ADAMTS2: variants seen among roughly 807,000 people sequenced by gnomAD.
The protein encoded by ADAMTS2 is ADAM metallopeptidase with thrombospondin type 1 motif 2.
ADAMTS2 carries 50 observed loss-of-function variants against 123.0 expected under a neutral mutation model. That is an observed-to-expected ratio of 0.41 (90% CI 0.32 to 0.51). The LOEUF (loss-of-function observed/expected upper bound fraction) is 0.51. ADAMTS2 is among the 20% of genes least tolerant of loss of function. The pLI, the probability that ADAMTS2 is intolerant of heterozygous loss-of-function variation, is 0.35. For synonymous variants in ADAMTS2, 678 were observed against 695.4 expected (o/e 0.98, Z 0.39); for missense variants, 1,494 against 1,705.2 (o/e 0.88, Z 2.18).
At chr5:179,220,287 G>T (rs968891197) in intron 3 of ADAMTS2, among the ~76,000 whole-genome samples, 1 of 152,200 alleles carries the variant, frequency 6.6e-6, no homozygotes, top group Admixed American at 6.5e-5. Flanking sequence ...GGTGGGGGCC[G>T]GCAAGTGGGG....
intron 13 of ADAMTS2, among the ~76,000 whole-genome samples, chr5:179,135,093 CA>C (rs1763041529): frequency 7.1e-6 from 1 of 141,486 alleles, no homozygotes; most frequent in African/African-American, 2.6e-5. Flanking sequence ...CTCCAGCCCC[CA>C]GCTCCCGGCT....
At chr5:179,324,350 A>C (rs1243191690) in intron 2 of ADAMTS2, among the ~76,000 whole-genome samples, 2 of 152,210 alleles carry the variant, frequency 1.3e-5, no homozygotes, top group African/African-American at 4.8e-5. Flanking sequence ...AATAATGATT[A>C]AAAATTTTAA....
At chr5:179,207,784 G>A in intron 3 of ADAMTS2, 69 bp from the exon 4 acceptor site, 2 of 1,424,810 alleles carry the variant, frequency 1.4e-6, no homozygotes, top group Non-Finnish European at 2.0e-6. Context: ...CCAGGCGCCA[G>A]CTTGGCCATC....
intron 3 of ADAMTS2, among the ~76,000 whole-genome samples, chr5:179,263,017 TC>T (rs879589126): frequency 6.6e-6 from 1 of 151,230 alleles, no homozygotes; most frequent in East Asian, 1.9e-4. Flanking sequence ...GCAGTATTAT[TC>T]CCCCATGATT....
chr5:179,155,249 C>T lies in ADAMTS2; in HGVS notation c.1133-330G>A, dbSNP rs1763445905. The stretch of plus-strand genomic sequence containing the variant: ...ACCTGACTTTCCTGCCTGCCGTTCT[C>T]TTTCACGCCACCTGCCTCTGCCCCC... On this transcript the variant is annotated intron_variant, in intron 6 of 21. Transcript: ENST00000251582. The surrounding 1 kb of genome is among the most constrained non-coding windows in gnomAD (Gnocchi z 5.1). Among the ~76,000 whole-genome samples, 1 of 152,226 alleles carries T rather than the reference C, an allele frequency of 6.6e-6. No homozygotes were observed. The highest frequency in any genetic ancestry group is 2.4e-5 in the African/African-American group (1 of 41,460).
At chr5:179,321,505 T>C (rs1405978793) in intron 2 of ADAMTS2, among the ~76,000 whole-genome samples, 1 of 148,268 alleles carries the variant, frequency 6.7e-6, no homozygotes, top group East Asian at 1.9e-4. Context: ...CTCTTGAACC[T>C]CTCTCATCCT....
At chr5:179,141,737 C>A (rs1649570952) in intron 10 of ADAMTS2, among the ~76,000 whole-genome samples, 1 of 152,162 alleles carries the variant, frequency 6.6e-6, no homozygotes, top group Admixed American at 6.5e-5. Flanking sequence ...CAGTTTCATA[C>A]TGAGAAACCC....
intron 2 of ADAMTS2, among the ~76,000 whole-genome samples, chr5:179,294,315 G>A (rs1756272563): frequency 1.3e-5 from 2 of 152,258 alleles, no homozygotes; most frequent in Non-Finnish European, 2.9e-5. Flanking sequence ...GCAGCCTACA[G>A]TCAGAGCTGA....
intron 3 of ADAMTS2, among the ~76,000 whole-genome samples, chr5:179,263,018 C>A: frequency 6.7e-6 from 1 of 149,478 alleles, no homozygotes; most frequent in Non-Finnish European, 1.5e-5. Flanking sequence ...CAGTATTATT[C>A]CCCCATGATT....
At position 179,334,553 on chromosome 5, in the gene ADAMTS2, T is replaced by C. The variant is rs538143819; in HGVS notation, c.534+9214A>G. On this transcript the variant is annotated intron_variant, in intron 2 of 21. Transcript: ENST00000251582. ...ATTAAGCAGAGAAATACCGGGGGCG[T>C]TGCCGTTAAAGCCAGGCACAGATGA... Among the ~76,000 whole-genome samples, 34 of 152,356 alleles carry C rather than the reference T, an allele frequency of 2.2e-4. No individual in the cohort carries two copies. The East Asian group carries it at 6.4e-3, about 28-fold the overall frequency.
At chr5:179,276,503 C>A (rs1007282611) in intron 2 of ADAMTS2, among the ~76,000 whole-genome samples, 7 of 152,154 alleles carry the variant, frequency 4.6e-5, no homozygotes, top group Admixed American at 4.6e-4. Context: ...TCCAGTGACT[C>A]GTCTGTACAT....
chr5:179,245,765 C>CAAAAAAAAAAAAAAAAAAAA (rs1171837041), intron 3 of ADAMTS2, among the ~76,000 whole-genome samples: 1 of 17,200 alleles, frequency 5.8e-5, no homozygotes, highest in Non-Finnish European at 1.1e-4. Flanking sequence ...GACTCCGTCT[C>CAAAAAAAAAAAAAAAAAAAA]AAAAAAAAAA....
Position 179,345,446 on chromosome 5 carries a change from G to T in ADAMTS2, c.-118C>A. ...GCCCGCAGCTGCAGCACCGCAGGGC[G>T]CGGGGCGGAGGAGGCGAGGCGCGGA... On this transcript the variant is annotated 5_prime_UTR_variant, in exon 1 of 22. Transcript: ENST00000251582. The surrounding 1 kb of genome is among the most constrained non-coding windows in gnomAD (Gnocchi z 7.5). 1 of 952,914 alleles carries T rather than the reference G, an allele frequency of 1.0e-6. No individual in the cohort carries two copies. Among genetic ancestry groups the T allele is most frequent in the Non-Finnish European group, 1.3e-6 (1 of 783,682 alleles). 59.0% of individuals were successfully genotyped at this position (952,914 alleles called of 1,614,324 possible). A position where few individuals can be genotyped will look rare whatever the true frequency, so the allele number is the denominator to read the frequency against.
Position 179,157,726 on chromosome 5 carries a change from T to C in ADAMTS2, c.1132+997A>G, listed in dbSNP as rs1242861344. The stretch of plus-strand genomic sequence containing the variant: ...TAGTGAGGTTGAGTGCCTTTTCATA[T>C]GTTTATTGCTCATTCATATTTTGTC... On this transcript the variant is annotated intron_variant, in intron 6 of 21. Coordinates refer to ENST00000251582, the MANE Select transcript of ADAMTS2 (RefSeq NM_014244.5). Among the ~76,000 whole-genome samples, 4 of 152,210 alleles carry C rather than the reference T, an allele frequency of 2.6e-5. No homozygotes were observed. The East Asian group carries it at 7.8e-4, about 29-fold the overall frequency.
At chr5:179,122,935 G>A (rs1762790597) in intron 19 of ADAMTS2, 162 bp from the exon 20 acceptor site, 2 of 1,032,864 alleles carry the variant, frequency 1.9e-6, no homozygotes, top group Non-Finnish European at 2.9e-6. Flanking sequence ...CCCACCCTCG[G>A]GGGCAGCCCC....
At chr5:179,198,017 G>C (rs767094432) in intron 4 of ADAMTS2, among the ~76,000 whole-genome samples, 1 of 152,236 alleles carries the variant, frequency 6.6e-6, no homozygotes, top group African/African-American at 2.4e-5. Context: ...CAAAGCCCCA[G>C]GGTCAGTATC....
chr5:179,207,486 C>A (rs1378342943), intron 4 of ADAMTS2, 27 bp downstream of exon 4: 2 of 1,188,816 alleles, frequency 1.7e-6, no homozygotes, highest in Non-Finnish European at 2.5e-6. Context: ...CCCCGCCCCA[C>A]CCTGCCCCCT....
At chr5:179,154,974 G>A in intron 6 of ADAMTS2, 55 bp from the exon 7 acceptor site, 2 of 1,510,620 alleles carry the variant, frequency 1.3e-6, no homozygotes, top group Non-Finnish European at 1.8e-6. Context: ...CCGGGAAGGT[G>A]AGGCCTGGCC....
intron 3 of ADAMTS2, among the ~76,000 whole-genome samples, chr5:179,264,762 C>T (rs1766318654): frequency 6.6e-6 from 1 of 152,164 alleles, no homozygotes; most frequent in Admixed American, 6.5e-5. Flanking sequence ...TTCCAGCAGC[C>T]CCTGTGCCAC....
Sources: gnomAD v4.1 joint callset for allele counts (sites outside exome capture counted in the v4.1 genomes callset) on GRCh38, gnomAD v4.1.1 for gene constraint, Gnocchi (gnomAD v3.1) non-coding constraint, MANE v1.5 for transcripts, NCBI Gene and HGNC (gene_info 2026-07-23, HGNC 2026-07-21) for gene names.